Variants in GRM5 observed in about 807,000 individuals in gnomAD.
GRM5 encodes the protein metabotropic glutamate receptor 5.
In GRM5, 19 loss-of-function variants were observed where a neutral mutation model predicts 83.1. The ratio of observed to expected loss-of-function variants is 0.23; its 90% CI spans 0.16 to 0.34. GRM5 has a LOEUF of 0.34. Ranked by LOEUF, GRM5 falls within the 10% of genes least tolerant of loss-of-function variation. GRM5 has a pLI of 1.00. For synonymous variants in GRM5, 675 were observed against 633.6 expected, an observed-to-expected ratio of 1.07 and a Z score of -0.98; for missense variants, 1,160 against 1,588.3, an observed-to-expected ratio of 0.73 and a Z score of 4.58.
intron 1 of GRM5, among the ~76,000 whole-genome samples, chr11:89,064,559 CT>C (rs1942058247): frequency 1.3e-5 from 2 of 152,112 alleles, no homozygotes; most frequent in Admixed American, 1.3e-4. Context: ...AGTGTTCTTA[CT>C]TCTTAGTATG....
At chr11:88,661,232 T>C (rs1939897735) in intron 3 of GRM5, among the ~76,000 whole-genome samples, 1 of 152,178 alleles carries the variant, frequency 6.6e-6, no homozygotes, top group African/African-American at 2.4e-5. Context: ...AAATGTTTAA[T>C]GTAACTTGTT....
chr11:88,813,565 G>C (rs1943620646), intron 3 of GRM5, among the ~76,000 whole-genome samples: 1 of 152,126 alleles, frequency 6.6e-6, no homozygotes, highest in Non-Finnish European at 1.5e-5. Flanking sequence ...AGTTTTCCCA[G>C]CTTCTTCCAG....
At chr11:89,041,325 A>C (rs1941528825) in intron 2 of GRM5, among the ~76,000 whole-genome samples, 2 of 152,220 alleles carry the variant, frequency 1.3e-5, no homozygotes, top group Non-Finnish European at 2.9e-5. Context: ...AATTCCTTTT[A>C]ACTCAGCTTA....
In GRM5 at chr11:88,882,395, CAA is replaced by C. The variant is rs11312148; in HGVS notation, c.662-32242_662-32241del. Among the ~76,000 whole-genome samples the C allele has an allele frequency of 2.1e-3, 284 of 136,856 alleles. 1 individual carries two copies. The highest frequency in any genetic ancestry group is 0.017 in the East Asian group (80 of 4,718). The allele number at this position is 136,856 out of a possible 152,430, so 89.8% of individuals were successfully genotyped here. On this transcript the variant is annotated intron_variant, in intron 2 of 9. Coordinates refer to ENST00000305447, the MANE Select transcript of GRM5 (RefSeq NM_001143831.3). ...TGAAACCCCATCTCTACTAAAAATA[CAA>C]AAAAAAAAAAAAAATTAGCTGGGCG...
intron 7 of GRM5, among the ~76,000 whole-genome samples, chr11:88,578,497 T>G (rs549368797): frequency 6.6e-6 from 1 of 152,248 alleles, no homozygotes; most frequent in South Asian, 2.1e-4. Flanking sequence ...GACCACAAAT[T>G]TATCATTGTG....
At chr11:88,554,304 T>A (rs1239249498) in intron 8 of GRM5, among the ~76,000 whole-genome samples, 1 of 152,118 alleles carries the variant, frequency 6.6e-6, no homozygotes, top group Non-Finnish European at 1.5e-5. Context: ...TCTTGTAATA[T>A]CTTTGTGATC....
In GRM5 at chr11:88,763,755, G is replaced by A. The variant is rs376957518; in HGVS notation, c.911+86151C>T. ...TAACCACAAATAAGATAGCTATAGA[G>A]TATCTACAAAAATAAAATTTGTCAC... On this transcript the variant is annotated intron_variant, in intron 3 of 9. Transcript: ENST00000305447. Among the ~76,000 whole-genome samples the A allele has an allele frequency of 5.7e-4, 86 of 151,760 alleles. 1 individual carries two copies. The South Asian group carries it at 0.017, about 31-fold the overall frequency.
chr11:88,892,903 G>T (rs1945170194), intron 2 of GRM5, among the ~76,000 whole-genome samples: 1 of 151,896 alleles, frequency 6.6e-6, no homozygotes, highest in African/African-American at 2.4e-5. Flanking sequence ...TTATTTGTTT[G>T]GGAAAATAAA....
intron 4 of GRM5, among the ~76,000 whole-genome samples, chr11:88,618,150 C>T (rs897489673): frequency 6.6e-6 from 1 of 152,092 alleles, no homozygotes; most frequent in Non-Finnish European, 1.5e-5. Flanking sequence ...GGAGGCGCAG[C>T]CTAAGAAGGT....
At chr11:88,922,955 G>A (rs1333939136) in intron 2 of GRM5, among the ~76,000 whole-genome samples, 3 of 152,062 alleles carry the variant, frequency 2.0e-5, no homozygotes, top group Admixed American at 6.6e-5. Flanking sequence ...TATACAAATG[G>A]CAAATGAGTA....
chr11:88,628,167 A>T (rs1331296193), intron 4 of GRM5, among the ~76,000 whole-genome samples: 1 of 152,158 alleles, frequency 6.6e-6, no homozygotes, highest in East Asian at 1.9e-4. Context: ...CCCCAGATGC[A>T]TGCATTCTCT....
intron 3 of GRM5, among the ~76,000 whole-genome samples, chr11:88,757,399 A>T (rs1942416997): frequency 6.6e-6 from 1 of 152,082 alleles, no homozygotes; most frequent in African/African-American, 2.4e-5. Flanking sequence ...CCCTACTGCC[A>T]TTGCAGTTGG....
chr11:88,571,974 T>C (rs1268779763), intron 7 of GRM5, among the ~76,000 whole-genome samples: 8 of 152,114 alleles, frequency 5.3e-5, no homozygotes, highest in Non-Finnish European at 8.8e-5. Context: ...ATTTCAGAAC[T>C]GGAATTGAAA....
rs1216886540 is a variant in GRM5 at position 88,653,414 on chromosome 11, A to G, written c.912-11T>C. The G allele has an allele frequency of 3.8e-6, 6 of 1,579,168 alleles. No individual in the cohort carries two copies. Among genetic ancestry groups the G allele is most frequent in the Non-Finnish European group, 5.2e-6 (6 of 1,149,598 alleles). On this transcript the variant is annotated splice_polypyrimidine_tract_variant and intron_variant, in intron 3 of 9. Transcript: ENST00000305447. ...TCAGCCCAGCCATCACTGTGGGGAA[A>G]TAAAAAAACCCTCAGCTTAGAACAG... is the stretch of plus-strand genomic sequence containing the variant.
chr11:88,767,604 T>C (rs1942648168), intron 3 of GRM5, among the ~76,000 whole-genome samples: 1 of 152,010 alleles, frequency 6.6e-6, no homozygotes, highest in African/African-American at 2.4e-5. Context: ...TGTTCTCACT[T>C]GCAAGTGTGA....
intron 3 of GRM5, among the ~76,000 whole-genome samples, chr11:88,837,636 G>A (rs1259197231): frequency 6.6e-6 from 1 of 152,062 alleles, no homozygotes; most frequent in Admixed American, 6.5e-5. Flanking sequence ...CAAAGTCCTG[G>A]GTTGGTTTCA....
intron 2 of GRM5, among the ~76,000 whole-genome samples, chr11:88,861,944 G>T (rs1444577272): frequency 6.6e-6 from 1 of 152,086 alleles, no homozygotes; most frequent in East Asian, 1.9e-4. Flanking sequence ...TTTATCTCAA[G>T]GGCCTAGGCA....
At chr11:88,790,469 T>C (rs916344697) in intron 3 of GRM5, among the ~76,000 whole-genome samples, 1 of 152,186 alleles carries the variant, frequency 6.6e-6, no homozygotes, top group Non-Finnish European at 1.5e-5. Flanking sequence ...GAAATATTTG[T>C]TCTATGAAAA....
chr11:88,877,989 A>G (rs1944888513), intron 2 of GRM5, among the ~76,000 whole-genome samples: 1 of 152,174 alleles, frequency 6.6e-6, no homozygotes, highest in Admixed American at 6.6e-5. Flanking sequence ...CATGTACCCT[A>G]AAACTTAAAG....
Sources: gnomAD v4.1 joint callset for allele counts (sites outside exome capture counted in the v4.1 genomes callset) on GRCh38, gnomAD v4.1.1 for gene constraint, MANE v1.5 for transcripts, NCBI Gene and HGNC (gene_info 2026-07-23, HGNC 2026-07-21) for gene names.